Variants in COLQ observed in about 807,000 individuals in gnomAD.
The protein encoded by COLQ is collagen like tail subunit of asymmetric acetylcholinesterase.
Under a neutral mutation model 69.0 loss-of-function variants are expected in COLQ, and 48 were observed. The ratio of observed to expected loss-of-function variants is 0.70; its 90% confidence interval spans 0.55 to 0.88. The LOEUF is 0.88. Among genes scored for constraint, COLQ ranks in the 40% least tolerant of loss-of-function variants. COLQ has a pLI of 0.00. For missense variants in COLQ, 618 were observed against 594.6 expected, an observed-to-expected ratio of 1.04 and a Z score of -0.41; for synonymous variants, 217 against 211.2, an observed-to-expected ratio of 1.03 and a Z score of -0.24.
chr3:15,461,961 T>C (rs1195824882), intron 12 of COLQ, among the ~76,000 whole-genome samples: 1 of 152,076 alleles, frequency 6.6e-6, no homozygotes, highest in Non-Finnish European at 1.5e-5. Flanking sequence ...AGTCCAACTC[T>C]GGATGATTAT....
At chr3:15,513,510 T>A (rs1249655636) in intron 1 of COLQ, among the ~76,000 whole-genome samples, 2 of 152,202 alleles carry the variant, frequency 1.3e-5, no homozygotes, top group African/African-American at 4.8e-5. Flanking sequence ...CCCAGTCCCC[T>A]GCCTGTCTCC....
chr3:15,498,469 C>CCCCACA, intron 1 of COLQ: 1 of 1,442,352 alleles, frequency 6.9e-7, no homozygotes, highest in Non-Finnish European at 9.4e-7. Flanking sequence ...GCATGTGCAT[C>CCCCACA]CACACACACA....
chr3:15,456,093 T>A, intron 14 of COLQ, 74 bp from the exon 15 acceptor site: 1 of 1,585,090 alleles, frequency 6.3e-7, no homozygotes, highest in Non-Finnish European at 8.6e-7. Context: ...GGTCATTGGT[T>A]TTGGTCCAAA....
chr3:15,498,620 G>C, intron 1 of COLQ: 3 of 1,551,594 alleles, frequency 1.9e-6, no homozygotes, highest in Non-Finnish European at 2.6e-6. Context: ...ACTGGCCAGG[G>C]AACACTAGCC....
chr3:15,453,718 A>G (rs1272174354), intron 16 of COLQ, 111 bp downstream of exon 16: 2 of 744,334 alleles, frequency 2.7e-6, no homozygotes, highest in Non-Finnish European at 4.7e-6. Context: ...CAGTGTCTAG[A>G]AGGCACCACA....
intron 1 of COLQ, chr3:15,498,423 C>T: frequency 2.2e-6 from 3 of 1,375,080 alleles, no homozygotes; most frequent in Non-Finnish European, 3.0e-6. Flanking sequence ...CCTCCTAGTA[C>T]AGTCTGCTTT....
At chr3:15,488,717 A>G (rs2062617690) in intron 2 of COLQ, among the ~76,000 whole-genome samples, 1 of 152,226 alleles carries the variant, frequency 6.6e-6, no homozygotes, top group Non-Finnish European at 1.5e-5. Flanking sequence ...AATTTTAATA[A>G]TATACTTTCT....
chr3:15,494,122 T>C (rs949800601), intron 1 of COLQ, among the ~76,000 whole-genome samples: 2 of 152,142 alleles, frequency 1.3e-5, no homozygotes, highest in African/African-American at 4.8e-5. Context: ...GGAAAGTTAA[T>C]TTGGGGCTAG....
intron 3 of COLQ, among the ~76,000 whole-genome samples, chr3:15,486,521 G>A (rs2062577831): frequency 6.6e-6 from 1 of 152,202 alleles, no homozygotes; most frequent in Non-Finnish European, 1.5e-5. Context: ...TGTGACCAGA[G>A]AGCCACTGTC....
intron 14 of COLQ, 97 bp from the exon 15 acceptor site, chr3:15,456,116 G>GTACCTGGGAA (rs2062021151): frequency 7.1e-7 from 1 of 1,412,844 alleles, no homozygotes; most frequent in African/African-American, 1.4e-5. Flanking sequence ...CACTGCTGGG[G>GTACCTGGGAA]GGCATGCCTT....
Position 15,515,120 on chromosome 3 carries a change from T to C in COLQ, c.106+6400A>G, listed in dbSNP as rs539257057. On this transcript the variant is annotated intron_variant, in intron 1 of 16. Transcript: ENST00000383788. ...GTGTCTTTCATTCATCTCTTAGGAC[T>C]GGATAAGTTCTCAGAGAGATGACAG... is the stretch of plus-strand genomic sequence containing the variant. 2.1e-3 allele frequency among the ~76,000 whole-genome samples: 325 copies of C among 152,320 alleles called. 1 individual carries two copies. The highest frequency in any genetic ancestry group is 7.6e-3 in the African/African-American group (314 of 41,564).
intron 1 of COLQ, among the ~76,000 whole-genome samples, chr3:15,504,178 A>G (rs2062870923): frequency 6.6e-6 from 1 of 152,248 alleles, no homozygotes; most frequent in African/African-American, 2.4e-5. Flanking sequence ...ATTAATAAAC[A>G]GATATATGAT....
chr3:15,459,478 CTTTTTTT>C (rs769741069), intron 12 of COLQ, among the ~76,000 whole-genome samples: 1 of 135,586 alleles, frequency 7.4e-6, no homozygotes, highest in Non-Finnish European at 1.6e-5. Context: ...ATAAGGCATC[CTTTTTTT>C]TTTTTTTTTT....
intron 1 of COLQ, among the ~76,000 whole-genome samples, chr3:15,520,473 G>A (rs977961387): frequency 3.3e-5 from 5 of 152,216 alleles, no homozygotes; most frequent in African/African-American, 1.2e-4. Context: ...CCCTCTCTGA[G>A]AGCCTGGCAT....
intron 16 of COLQ, 132 bp from the exon 17 acceptor site, chr3:15,451,845 A>G: frequency 1.3e-6 from 1 of 785,732 alleles, no homozygotes; most frequent in Non-Finnish European, 2.2e-6. Flanking sequence ...TTGGAGTGAG[A>G]GGCCTGGGGG....
At chr3:15,480,516 CT>C (rs1334131132) in intron 3 of COLQ, among the ~76,000 whole-genome samples, 1 of 152,102 alleles carries the variant, frequency 6.6e-6, no homozygotes, top group Non-Finnish European at 1.5e-5. Context: ...TAAACTCATC[CT>C]TTTTTATGGC....
intron 5 of COLQ, among the ~76,000 whole-genome samples, chr3:15,478,225 G>A (rs1186738606): frequency 6.6e-6 from 1 of 152,158 alleles, no homozygotes; most frequent in South Asian, 2.1e-4. Context: ...ACTGTGCCTT[G>A]GCTATAGTTT....
intron 3 of COLQ, among the ~76,000 whole-genome samples, chr3:15,486,748 T>C (rs772818636): frequency 1.3e-5 from 2 of 152,184 alleles, no homozygotes; most frequent in Non-Finnish European, 2.9e-5. Context: ...CAACAAGTAA[T>C]TACGGAGAAC....
At chr3:15,462,441 AC>A (rs1347206028) in intron 12 of COLQ, among the ~76,000 whole-genome samples, 1 of 151,956 alleles carries the variant, frequency 6.6e-6, no homozygotes, top group Admixed American at 6.6e-5. Context: ...CAGCCCGCTC[AC>A]TCAGGAAGCC....
Sources: allele counts gnomAD v4.1 joint callset (sites outside exome capture counted in the v4.1 genomes callset), GRCh38; gene constraint gnomAD v4.1.1; transcripts MANE v1.5; gene names NCBI Gene and HGNC (gene_info 2026-07-23, HGNC 2026-07-21).